Variants in GRIA4 observed in about 807,000 individuals in gnomAD.
The protein encoded by GRIA4 is glutamate receptor 4.
GRIA4 carries 34 observed loss-of-function variants against 104.0 expected under a neutral mutation model. The observed-to-expected ratio is 0.33, with a 90% confidence interval of 0.25 to 0.44. The LOEUF (loss-of-function observed/expected upper bound fraction) is 0.44, where lower values mean the gene tolerates loss of function less well. Ranked by LOEUF, GRIA4 falls within the 20% of genes least tolerant of loss-of-function variation. The pLI is 1.00. For missense variants in GRIA4, 750 were observed against 1,096.5 expected (o/e 0.68, Z 4.46); for synonymous variants, 386 against 381.9 (o/e 1.01, Z -0.13).
At chr11:105,813,797 G>A (rs1565257054) in intron 4 of GRIA4, among the ~76,000 whole-genome samples, 1 of 151,990 alleles carries the variant, frequency 6.6e-6, no homozygotes, top group Non-Finnish European at 1.5e-5. Flanking sequence ...AAGTGCTGAG[G>A]ATACATGAAC....
chr11:105,738,945 C>CA (rs5794423), intron 3 of GRIA4, among the ~76,000 whole-genome samples: 65,185 of 139,944 alleles, frequency 0.47, 15,687 homozygotes, highest in Admixed American at 0.58. Flanking sequence ...AAAAAAAAAA[C>CA]AAAAAAAACC....
intron 4 of GRIA4, among the ~76,000 whole-genome samples, chr11:105,822,328 T>G (rs550938894): frequency 1.4e-4 from 21 of 152,232 alleles, no homozygotes; most frequent in South Asian, 6.2e-4. Context: ...CTCAAGACCT[T>G]TCTGTTTTCT....
chr11:105,775,335 A>G (rs1941401628), intron 4 of GRIA4, among the ~76,000 whole-genome samples: 1 of 152,200 alleles, frequency 6.6e-6, no homozygotes, highest in Non-Finnish European at 1.5e-5. Flanking sequence ...GGATATTTTC[A>G]GGGACCATTA....
intron 4 of GRIA4, among the ~76,000 whole-genome samples, chr11:105,820,068 G>T (rs1943523482): frequency 6.6e-6 from 1 of 152,084 alleles, no homozygotes; most frequent in Non-Finnish European, 1.5e-5. Context: ...ACTAGGAAGA[G>T]GCAGGGCAAG....
intron 3 of GRIA4, among the ~76,000 whole-genome samples, chr11:105,732,515 C>A (rs1938663150): frequency 6.6e-6 from 1 of 152,100 alleles, no homozygotes; most frequent in Admixed American, 6.5e-5. Flanking sequence ...TAGAACTCCT[C>A]AGTGTGAGCT....
At chr11:105,877,425 T>G (rs556417723) in intron 5 of GRIA4, among the ~76,000 whole-genome samples, 3 of 152,308 alleles carry the variant, frequency 2.0e-5, no homozygotes, top group Non-Finnish European at 4.4e-5. Flanking sequence ...TGTAGTGTTC[T>G]CTCCATTTCC....
chr11:105,940,210 G>C (rs517287), intron 14 of GRIA4, among the ~76,000 whole-genome samples: 151,919 of 152,124 alleles, frequency 1, 75,857 homozygotes, highest in Middle Eastern at 1. Flanking sequence ...ACAAAAAATA[G>C]AAAAATTAGC....
chr11:105,885,127 T>C (rs1946208629), intron 5 of GRIA4, among the ~76,000 whole-genome samples: 1 of 152,146 alleles, frequency 6.6e-6, no homozygotes, highest in Admixed American at 6.5e-5. Context: ...GACTCCATAA[T>C]AGAATATGCC....
At chr11:105,967,067 T>G (rs1168014880) in intron 14 of GRIA4, among the ~76,000 whole-genome samples, 1 of 152,158 alleles carries the variant, frequency 6.6e-6, no homozygotes. Context: ...TTTATACTAA[T>G]AGCCTAGCAT....
chr11:105,622,868 C>G lies in GRIA4; in HGVS notation c.247+10434C>G, dbSNP rs549434341. Among the ~76,000 whole-genome samples, 3 of 151,712 alleles carry G rather than the reference C, an allele frequency of 2.0e-5. No individual in the cohort carries two copies. The East Asian group carries it at 5.8e-4, about 29-fold the overall frequency. On this transcript the variant is annotated intron_variant, in intron 3 of 16. Transcript: ENST00000282499. ...CCCCATTATTCAGAGTCTACAATGT[C>G]TATTAGTCCAAACTCAGTTGTCCAT...
chr11:105,807,296 T>A (rs1942991655), intron 4 of GRIA4, among the ~76,000 whole-genome samples: 1 of 151,852 alleles, frequency 6.6e-6, no homozygotes, highest in African/African-American at 2.4e-5. Context: ...AGCATAAGAA[T>A]GAAAGAGGGT....
chr11:105,670,129 A>G (rs1326181227), intron 3 of GRIA4, among the ~76,000 whole-genome samples: 2 of 152,172 alleles, frequency 1.3e-5, no homozygotes, highest in African/African-American at 4.8e-5. Flanking sequence ...TAATGAGAAT[A>G]TACCATTTGT....
At chr11:105,967,703 CAAA>C (rs5794444) in intron 14 of GRIA4, among the ~76,000 whole-genome samples, 40 of 146,172 alleles carry the variant, frequency 2.7e-4, no homozygotes, top group Non-Finnish European at 3.4e-4. Flanking sequence ...GTTTGTATAC[CAAA>C]AAAAAAAAAA....
intron 4 of GRIA4, among the ~76,000 whole-genome samples, chr11:105,775,358 T>C (rs890205004): frequency 1.7e-4 from 26 of 152,136 alleles, no homozygotes; most frequent in African/African-American, 5.3e-4. Context: ...TAACTTACCA[T>C]ACAAAATAGT....
At chr11:105,888,635 G>C (rs944308326) in intron 6 of GRIA4, among the ~76,000 whole-genome samples, 2 of 151,816 alleles carry the variant, frequency 1.3e-5, no homozygotes, top group African/African-American at 4.8e-5. Flanking sequence ...TCTTGCGCTT[G>C]AAACAGGAAA....
intron 5 of GRIA4, among the ~76,000 whole-genome samples, chr11:105,871,205 G>A (rs1215117299): frequency 1.3e-5 from 2 of 152,034 alleles, no homozygotes; most frequent in Admixed American, 1.3e-4. Flanking sequence ...TTTATTAAAT[G>A]TCTAATTTGC....
At chr11:105,719,315 CAT>C (rs1954212444) in intron 3 of GRIA4, among the ~76,000 whole-genome samples, 1 of 152,114 alleles carries the variant, frequency 6.6e-6, no homozygotes, top group Non-Finnish European at 1.5e-5. Flanking sequence ...ATTAGGTAAA[CAT>C]AAAGTTGTCC....
chr11:105,627,759 T>C (rs1398907608), intron 3 of GRIA4, among the ~76,000 whole-genome samples: 1 of 152,138 alleles, frequency 6.6e-6, no homozygotes, highest in Admixed American at 6.6e-5. Context: ...TGGCATTTGG[T>C]GGGAGGAAAG....
intron 3 of GRIA4, among the ~76,000 whole-genome samples, chr11:105,711,259 T>C (rs996130523): frequency 2.0e-5 from 3 of 151,988 alleles, no homozygotes; most frequent in African/African-American, 7.2e-5. Context: ...GTGTTCTCAT[T>C]GTTCAGTTCC....
Sources: gnomAD v4.1 joint callset for allele counts (sites outside exome capture counted in the v4.1 genomes callset) on GRCh38, gnomAD v4.1.1 for gene constraint, MANE v1.5 for transcripts, NCBI Gene and HGNC (gene_info 2026-07-23, HGNC 2026-07-21) for gene names.